The following GLB1 variants were observed in gnomAD, a reference collection of about 807,000 sequenced individuals.
The protein encoded by GLB1 is beta-galactosidase.
In GLB1, 56 loss-of-function variants were observed where a neutral mutation model predicts 74.0. The ratio of observed to expected loss-of-function variants is 0.76; its 90% CI spans 0.61 to 0.94. The LOEUF (loss-of-function observed/expected upper bound fraction) is 0.94, where lower values mean the gene tolerates loss of function less well. Ranked by LOEUF, GLB1 falls within the 40% of genes least tolerant of loss-of-function variation. The pLI, the probability that GLB1 is intolerant of heterozygous loss-of-function variation, is 0.00. For missense variants in GLB1, 787 were observed against 845.5 expected (o/e 0.93, Z 0.86); for synonymous variants, 323 against 323.6 (o/e 1.00, Z 0.02).
At chr3:33,006,552 T>A (rs1239917741) in intron 15 of GLB1, among the ~76,000 whole-genome samples, 2 of 152,108 alleles carry the variant, frequency 1.3e-5, no homozygotes, top group Admixed American at 1.3e-4. Context: ...GCTTCCTATC[T>A]AATGGACTTT....
At chr3:33,022,583 T>TTTTTTTTTTTTTTTTTTTA in intron 11 of GLB1, among the ~76,000 whole-genome samples, 2 of 145,074 alleles carry the variant, frequency 1.4e-5, no homozygotes, top group Non-Finnish European at 1.5e-5. Flanking sequence ...TTTTTTTTTT[T>TTTTTTTTTTTTTTTTTTTA]GAGAGAGTCT....
intron 1 of GLB1, chr3:33,091,895 C>T (rs1575498463): frequency 3.0e-6 from 3 of 985,460 alleles, no homozygotes; most frequent in Non-Finnish European, 3.6e-6. Context: ...GGATCTATTG[C>T]TTCTGGCAAA....
chr3:33,067,883 T>TTTTG (rs914176826), intron 4 of GLB1, among the ~76,000 whole-genome samples: 8 of 152,118 alleles, frequency 5.3e-5, no homozygotes, highest in Admixed American at 1.3e-4. Flanking sequence ...GTTGAAGCTT[T>TTTTG]TTTGTTTGTT....
Position 33,093,687 on chromosome 3 carries a change from A to G in GLB1, c.75+3324T>C. On this transcript the variant is annotated intron_variant, in intron 1 of 15. Coordinates refer to ENST00000307363, the MANE Select transcript of GLB1 (RefSeq NM_000404.4). The surrounding 1 kb of genome is among the most constrained non-coding windows in gnomAD (Gnocchi z 6.0). ...CACGCTGAGCACAGCAGTCACTCCC[A>G]CTGCCAGGGCAGGCCTGAGCACGAG... 1 of 1,614,162 alleles carries G rather than the reference A, an allele frequency of 6.2e-7. No individual in the cohort carries two copies. Among genetic ancestry groups the G allele is most frequent in the Non-Finnish European group, 8.5e-7 (1 of 1,180,018 alleles).
chr3:33,025,964 T>C (rs918016362), intron 10 of GLB1, among the ~76,000 whole-genome samples: 5 of 152,146 alleles, frequency 3.3e-5, no homozygotes, highest in Non-Finnish European at 7.4e-5. Flanking sequence ...GGTCAGTCCC[T>C]GAAGCCCGCC....
intron 15 of GLB1, among the ~76,000 whole-genome samples, chr3:33,012,047 C>T (rs1165556650): frequency 6.6e-6 from 1 of 152,170 alleles, no homozygotes; most frequent in Non-Finnish European, 1.5e-5. Flanking sequence ...TTGGTCTCTC[C>T]TCTTCAGTCT....
At chr3:32,973,398 A>G in the GLB1 span, among the ~76,000 whole-genome samples, 11 of 151,990 alleles carry the variant, frequency 7.2e-5, no homozygotes, top group African/African-American at 2.4e-4. Flanking sequence ...CAGTGGTGCA[A>G]TCTTGGCTCA....
At chr3:33,077,188 G>T in intron 1 of GLB1, 1 of 1,487,100 alleles carries the variant, frequency 6.7e-7, no homozygotes, top group South Asian at 1.2e-5. Flanking sequence ...CGGCAGCTGA[G>T]ACTTAGGCGC....
intron 10 of GLB1, among the ~76,000 whole-genome samples, chr3:33,033,520 C>T (rs894998120): frequency 5.3e-5 from 8 of 152,252 alleles, no homozygotes; most frequent in African/African-American, 7.2e-5. Context: ...GGGTGGCTCA[C>T]GCCTGTAATC....
chr3:33,057,845 C>T (rs1699280702), intron 6 of GLB1, among the ~76,000 whole-genome samples: 1 of 152,210 alleles, frequency 6.6e-6, no homozygotes, highest in Non-Finnish European at 1.5e-5. Flanking sequence ...CCTGAGATAG[C>T]AGTACTCCAT....
chr3:32,982,314 C>CAAA, the GLB1 span, among the ~76,000 whole-genome samples: 2 of 75,900 alleles, frequency 2.6e-5, no homozygotes, highest in Admixed American at 2.9e-4. Context: ...ACTCCGTCTC[C>CAAA]AAAAAAAAAA....
chr3:33,049,969 T>A (rs6550199), intron 9 of GLB1, among the ~76,000 whole-genome samples: 1 of 152,196 alleles, frequency 6.6e-6, no homozygotes, highest in Non-Finnish European at 1.5e-5. Flanking sequence ...TAAGAGCTGA[T>A]AGTATCCAAT....
chr3:33,012,992 T>A (rs1697091326), intron 15 of GLB1, among the ~76,000 whole-genome samples: 1 of 152,226 alleles, frequency 6.6e-6, no homozygotes, highest in South Asian at 2.1e-4. Flanking sequence ...GAGGAGCTTG[T>A]CAGATCACAG....
intron 5 of GLB1, among the ~76,000 whole-genome samples, 189 bp from the exon 6 acceptor site, chr3:33,058,458 T>C (rs564483282): frequency 6.6e-6 from 1 of 151,602 alleles, no homozygotes; most frequent in South Asian, 2.1e-4. Flanking sequence ...ACCATAAAAG[T>C]TTACCTCCTA....
chr3:32,967,776 T>A, the GLB1 span, among the ~76,000 whole-genome samples: 1 of 152,156 alleles, frequency 6.6e-6, no homozygotes, highest in African/African-American at 2.4e-5. Context: ...AGACCTGGCA[T>A]CCAAGGTGCA....
At chr3:33,087,873 A>C (rs1313500645) in intron 1 of GLB1, among the ~76,000 whole-genome samples, 5 of 68,984 alleles carry the variant, frequency 7.2e-5, no homozygotes, top group African/African-American at 2.3e-4. Flanking sequence ...AATACTAGCA[A>C]ACTGAATTCA....
At chr3:33,034,418 G>A (rs1275760501) in intron 10 of GLB1, 1 of 741,436 alleles carries the variant, frequency 1.3e-6, no homozygotes, top group Non-Finnish European at 2.5e-6. Context: ...TCCATCAGGT[G>A]GCTGTGACAA....
At chr3:32,983,101 T>C in the GLB1 span, among the ~76,000 whole-genome samples, 1 of 152,186 alleles carries the variant, frequency 6.6e-6, no homozygotes, top group South Asian at 2.1e-4. Context: ...GTTTAAATAT[T>C]TGGTATTTGT....
At chr3:33,055,709 C>A (rs1387703977) in intron 6 of GLB1, among the ~76,000 whole-genome samples, 1 of 150,828 alleles carries the variant, frequency 6.6e-6, no homozygotes, top group Non-Finnish European at 1.5e-5. Flanking sequence ...ACTCATGATC[C>A]GCCTGCCTTG....
Sources: allele counts gnomAD v4.1 joint callset (sites outside exome capture counted in the v4.1 genomes callset), GRCh38; gene constraint gnomAD v4.1.1; non-coding constraint Gnocchi (gnomAD v3.1); transcripts MANE v1.5; gene names NCBI Gene and HGNC (gene_info 2026-07-23, HGNC 2026-07-21).